Variants in SBNO2 observed in about 807,000 individuals in gnomAD.
The protein encoded by SBNO2 is strawberry notch homolog 2.
Under a neutral mutation model 146.3 loss-of-function variants are expected in SBNO2, and 89 were observed. That is an observed-to-expected ratio of 0.61 (90% CI 0.51 to 0.73). The LOEUF (loss-of-function observed/expected upper bound fraction) is 0.73, where lower values mean the gene tolerates loss of function less well. Ranked by LOEUF, SBNO2 falls within the 30% of genes least tolerant of loss-of-function variation. The pLI is 0.00. For synonymous variants in SBNO2, 1,147 were observed against 892.6 expected, an observed-to-expected ratio of 1.29 and a Z score of -5.08; for missense variants, 2,092 against 2,003.7, an observed-to-expected ratio of 1.04 and a Z score of -0.84.
rs1332440282 is a variant in SBNO2 at position 1,157,287 on chromosome 19, G to C, written c.-126-2885C>G. On this transcript the variant is annotated intron_variant, in intron 1 of 31. Coordinates refer to ENST00000361757, the MANE Select transcript of SBNO2 (RefSeq NM_014963.3). The surrounding 1 kb of genome is among the most constrained non-coding windows in gnomAD (Gnocchi z 6.8). ...AGGATAAACCCTAGTGGGACACTGG[G>C]TGGGGTCTTGGGGCCTGAGAACACC... Among the ~76,000 whole-genome samples the C allele has an allele frequency of 6.6e-6, 1 of 151,814 alleles. No homozygotes were observed. The highest frequency in any genetic ancestry group is 1.5e-5 in the Non-Finnish European group (1 of 67,920).
chr19:1,123,240 T>A (rs1369349526), intron 7 of SBNO2, among the ~76,000 whole-genome samples, 195 bp from the exon 8 acceptor site: 1 of 151,202 alleles, frequency 6.6e-6, no homozygotes, highest in Non-Finnish European at 1.5e-5. Context: ...GCTGGCCGGG[T>A]CGGGGGTGTG....
chr19:1,155,603 G>A (rs1190680380), intron 1 of SBNO2, among the ~76,000 whole-genome samples: 1 of 152,190 alleles, frequency 6.6e-6, no homozygotes, highest in Non-Finnish European at 1.5e-5. Context: ...CAAAGATTCT[G>A]GGTCAGGCAG....
At position 1,156,089 on chromosome 19, in the gene SBNO2, C is replaced by T. The variant is rs1037714730; in HGVS notation, c.-126-1687G>A. Among the ~76,000 whole-genome samples the T allele has an allele frequency of 2.6e-5, 4 of 152,236 alleles. No individual in the cohort carries two copies. The East Asian group carries it at 5.8e-4, about 22-fold the overall frequency. ...GGCAGCTCTGGGGCGACCCCATGAC[C>T]GTCCTCGGGGTACACCATAGCTGAG... On this transcript the variant is annotated intron_variant, in intron 1 of 31. Coordinates refer to ENST00000361757, the MANE Select transcript of SBNO2 (RefSeq NM_014963.3).
intron 1 of SBNO2, among the ~76,000 whole-genome samples, chr19:1,163,033 C>T (rs1461332502): frequency 2.6e-5 from 4 of 152,182 alleles, no homozygotes; most frequent in Non-Finnish European, 4.4e-5. Context: ...AAGACAGGAT[C>T]TGGTAAGTGA....
intron 2 of SBNO2, among the ~76,000 whole-genome samples, chr19:1,151,863 A>G (rs2080245476): frequency 6.6e-6 from 1 of 152,122 alleles, no homozygotes; most frequent in Admixed American, 6.6e-5. Flanking sequence ...GGATTTCATC[A>G]TGTTGGCCAG....
chr19:1,114,655 T>TA, intron 17 of SBNO2, among the ~76,000 whole-genome samples: 2 of 152,328 alleles, frequency 1.3e-5, no homozygotes, highest in South Asian at 2.1e-4. Flanking sequence ...TTTATTTATT[T>TA]TCTTTTGAGA....
chr19:1,147,440 G>GGGGA lies in SBNO2; in HGVS notation c.168-24_168-21dup. 3 of 1,241,442 alleles carry GGGGA rather than the reference G, an allele frequency of 2.4e-6. No individual in the cohort carries two copies. The highest frequency in any genetic ancestry group is 1.6e-5 in the African/African-American group (1 of 63,142). 76.9% of individuals were successfully genotyped at this position (1,241,442 alleles called of 1,614,324 possible). ...AACGGGCTGGAGGGAGATGGGGGGG[G>GGGGA]GGGAGGTGAGATGGGGTGCTCAACC... On this transcript the variant is annotated intron_variant, in intron 3 of 31. Coordinates refer to ENST00000361757, the MANE Select transcript of SBNO2 (RefSeq NM_014963.3).
chr19:1,156,324 T>C (rs762185590), intron 1 of SBNO2, among the ~76,000 whole-genome samples: 126 of 152,102 alleles, frequency 8.3e-4, no homozygotes, highest in Non-Finnish European at 2.6e-4. Flanking sequence ...AGTCCATGCC[T>C]TGGGGACCTG....
At chr19:1,125,253 G>A (rs952754347) in intron 5 of SBNO2, among the ~76,000 whole-genome samples, 12 of 151,418 alleles carry the variant, frequency 7.9e-5, no homozygotes, top group African/African-American at 2.9e-4. Flanking sequence ...CAGCTGATCA[G>A]GAGGCTGAGG....
Position 1,116,858 on chromosome 19 carries a change from C to T in SBNO2, c.1773G>A (p.Gly591=), listed in dbSNP as rs769741612. 6 of 1,591,282 alleles carry T rather than the reference C, an allele frequency of 3.8e-6. No individual in the cohort carries two copies. The South Asian group carries it at 5.7e-5, about 15-fold the overall frequency. ...CGGCCGAGACGAAGCAGTTGAGGTGCCCATCGTTCTCCCCCAGCACCTCCC... is the reference window on the plus strand; with the variant it reads ...CGGCCGAGACGAAGCAGTTGAGGTGTCCATCGTTCTCCCCCAGCACCTCCC... ...RTREVLGEND[G]HLNCFVSAAE... is the part of the protein sequence containing the mutation. The change falls in exon 16 of 32, where the codon GGG becomes GGA. Residue 591 remains glycine (G), a synonymous_variant. Transcript: ENST00000361757.
chr19:1,162,667 G>A (rs946917901), intron 1 of SBNO2, among the ~76,000 whole-genome samples: 7 of 152,162 alleles, frequency 4.6e-5, no homozygotes, highest in Non-Finnish European at 7.3e-5. Flanking sequence ...CCAACCTCCA[G>A]ACCAAGAGAG....
intron 4 of SBNO2, among the ~76,000 whole-genome samples, chr19:1,145,205 G>T (rs899041225): frequency 6.6e-6 from 1 of 151,596 alleles, no homozygotes; most frequent in Admixed American, 6.6e-5. Flanking sequence ...GGTGGCTCAC[G>T]CCTGTAATCC....
At chr19:1,117,040 C>A in intron 15 of SBNO2, 114 bp from the exon 16 acceptor site, 1 of 1,069,802 alleles carries the variant, frequency 9.3e-7, no homozygotes, top group South Asian at 1.5e-5. Flanking sequence ...GCTGTGCTCG[C>A]CTCCCCAGGA....
At chr19:1,152,395 G>A (rs897016530) in intron 2 of SBNO2, among the ~76,000 whole-genome samples, 3 of 152,206 alleles carry the variant, frequency 2.0e-5, no homozygotes, top group South Asian at 2.1e-4. Flanking sequence ...TTAGTCCCCA[G>A]GGTGTGTTTC....
chr19:1,154,532 CA>C (rs1370115687), intron 1 of SBNO2, 130 bp from the exon 2 acceptor site: 4 of 363,674 alleles, frequency 1.1e-5, no homozygotes, highest in Non-Finnish European at 1.5e-5. Flanking sequence ...GGGCCGGAAC[CA>C]AAAGGCGCTC....
At chr19:1,132,183 G>C in intron 4 of SBNO2, 1 of 1,412,860 alleles carries the variant, frequency 7.1e-7, no homozygotes, top group East Asian at 3.0e-5. Context: ...CGCTGCCCGG[G>C]AGCGGCTCCC....
chr19:1,113,084 G>T, intron 19 of SBNO2, 135 bp from the exon 20 acceptor site: 8 of 1,060,218 alleles, frequency 7.5e-6, no homozygotes, highest in Non-Finnish European at 9.3e-6. Context: ...GGGGTGCTGG[G>T]AAAGGGAGGG....
intron 4 of SBNO2, chr19:1,132,042 A>G (rs2080034941): frequency 1.4e-6 from 2 of 1,426,866 alleles, no homozygotes; most frequent in South Asian, 2.6e-5. Flanking sequence ...CCCACCTCCC[A>G]GACCCCTGCC....
At chr19:1,170,931 C>CAA (rs1555730182) in intron 1 of SBNO2, among the ~76,000 whole-genome samples, 3 of 151,902 alleles carry the variant, frequency 2.0e-5, no homozygotes, top group Non-Finnish European at 2.9e-5. Context: ...AGGCAACACA[C>CAA]ACATGAGCAC....
Sources: allele counts gnomAD v4.1 joint callset (sites outside exome capture counted in the v4.1 genomes callset), GRCh38; gene constraint gnomAD v4.1.1; non-coding constraint Gnocchi (gnomAD v3.1); transcripts MANE v1.5; gene names NCBI Gene and HGNC (gene_info 2026-07-23, HGNC 2026-07-21).